ZNF521: variants seen among roughly 807,000 people sequenced by gnomAD.
ZNF521 encodes zinc finger protein 521, also known as LYST-interacting protein 3.
A neutral mutation model predicts 105.5 loss-of-function variants in ZNF521; 14 were observed. The observed-to-expected ratio is 0.13, with a 90% confidence interval of 0.09 to 0.21. The LOEUF is 0.21. Among genes scored for constraint, ZNF521 ranks in the 10% least tolerant of loss-of-function variants. The pLI, the probability that ZNF521 is intolerant of heterozygous loss-of-function variation, is 1.00. For missense variants in ZNF521, 1,233 were observed against 1,629.7 expected, an observed-to-expected ratio of 0.76 and a Z score of 4.19; for synonymous variants, 635 against 606.0, an observed-to-expected ratio of 1.05 and a Z score of -0.70.
Position 25,062,198 on chromosome 18 carries a change from C to T in ZNF521, c.*514G>A, listed in dbSNP as rs1203896353. On this transcript the variant is annotated 3_prime_UTR_variant, in exon 8 of 8. Transcript: ENST00000361524. ...AGGCTTACAAATATATATATACGGGCCTTATCCAGCTGTGGGGTTCTGTTC... is the reference window on the plus strand; with the variant it reads ...AGGCTTACAAATATATATATACGGGTCTTATCCAGCTGTGGGGTTCTGTTC... The T allele has an allele frequency of 4.8e-6, 1 of 207,010 alleles. No homozygotes were observed. The highest frequency in any genetic ancestry group is 2.3e-5 in the African/African-American group (1 of 43,704). The allele number at this position is 207,010 out of a possible 1,614,324, so 12.8% of individuals were successfully genotyped here. A position where few individuals can be genotyped will look rare whatever the true frequency, so the allele number is the denominator to read the frequency against.
rs140364428 is a variant in ZNF521, at chr18:25,199,427, C to A, written c.3574-4183G>T. Reference sequence around the variant, plus strand: ...AGGCAATTGAGAATAATTTAGATATCAATCTGACTATCAGCTGATTATTAG... The same window carrying A: ...AGGCAATTGAGAATAATTTAGATATAAATCTGACTATCAGCTGATTATTAG... On this transcript the variant is annotated intron_variant, in intron 4 of 7. Coordinates refer to ENST00000361524, the MANE Select transcript of ZNF521 (RefSeq NM_015461.3). Among the ~76,000 whole-genome samples the A allele has an allele frequency of 3.8e-3, 571 of 151,894 alleles. 5 individuals carry two copies. The highest frequency in any genetic ancestry group is 0.012 in the African/African-American group (492 of 41,446).
chr18:25,095,252 C>T (rs2033827993), intron 5 of ZNF521, among the ~76,000 whole-genome samples: 1 of 152,048 alleles, frequency 6.6e-6, no homozygotes, highest in African/African-American at 2.4e-5. Context: ...AGGATTTTGC[C>T]CACAAAGCAT....
intron 5 of ZNF521, among the ~76,000 whole-genome samples, chr18:25,128,713 A>G (rs1237661479): frequency 6.6e-6 from 1 of 152,088 alleles, no homozygotes; most frequent in Non-Finnish European, 1.5e-5. Flanking sequence ...TTAATTTCAA[A>G]AAATTTAAAT....
At chr18:25,098,708 A>G (rs931120036) in intron 5 of ZNF521, among the ~76,000 whole-genome samples, 8 of 152,124 alleles carry the variant, frequency 5.3e-5, no homozygotes, top group African/African-American at 1.9e-4. Context: ...TGTTGTTAAC[A>G]CAGTGCCACT....
intron 5 of ZNF521, among the ~76,000 whole-genome samples, chr18:25,139,102 G>T (rs997229298): frequency 9.9e-5 from 15 of 152,240 alleles, no homozygotes; most frequent in African/African-American, 3.6e-4. Context: ...TGGGCACGGT[G>T]GCTCACGCCT....
intron 4 of ZNF521, among the ~76,000 whole-genome samples, chr18:25,217,973 T>C (rs1371829907): frequency 1.3e-5 from 2 of 152,194 alleles, no homozygotes; most frequent in South Asian, 2.1e-4. Context: ...AGAGGTTATT[T>C]GGGGAGAAGA....
intron 5 of ZNF521, among the ~76,000 whole-genome samples, chr18:25,129,671 G>T (rs986629020): frequency 6.6e-6 from 1 of 151,916 alleles, no homozygotes; most frequent in Non-Finnish European, 1.5e-5. Context: ...GTGGCGGGGT[G>T]GGGGGTATGA....
chr18:25,113,761 G>GACGGACACACACACACACACAC (rs35914509), intron 5 of ZNF521, among the ~76,000 whole-genome samples: 2,077 of 101,580 alleles, frequency 0.02, 86 homozygotes, highest in South Asian at 0.047. Context: ...AGGACGGACG[G>GACGGACACACACACACACACAC]ACACACACAC....
chr18:25,327,278 G>T (rs1176764142), intron 2 of ZNF521: 7 of 211,906 alleles, frequency 3.3e-5, no homozygotes, highest in Admixed American at 6.3e-5. Flanking sequence ...ATAATTCAAA[G>T]TAATGCATTC....
intron 3 of ZNF521, among the ~76,000 whole-genome samples, chr18:25,266,493 C>T (rs1455756260): frequency 6.6e-6 from 1 of 152,168 alleles, no homozygotes; most frequent in African/African-American, 2.4e-5. Context: ...CGGTCTGCAG[C>T]TCCCAATGAG....
chr18:25,253,350 G>A (rs1368447109), intron 3 of ZNF521, among the ~76,000 whole-genome samples: 1 of 152,088 alleles, frequency 6.6e-6, no homozygotes, highest in Non-Finnish European at 1.5e-5. Context: ...TATTTGCACT[G>A]CCACATTCCT....
In ZNF521 at chr18:25,132,761, T is replaced by C. The variant is rs192618556; in HGVS notation, c.3659-40680A>G. Among the ~76,000 whole-genome samples the C allele has an allele frequency of 3.2e-3, 485 of 152,310 alleles. 3 individuals carry two copies. The highest frequency in any genetic ancestry group is 0.011 in the African/African-American group (463 of 41,584). ...GGTAATTAACATGAGAATGCCCCCT[T>C]GGGCCGTTCTCCTGTTAGCTAAAAT... is the stretch of plus-strand genomic sequence containing the variant. On this transcript the variant is annotated intron_variant, in intron 5 of 7. Transcript: ENST00000361524.
At chr18:25,175,305 T>C (rs1376015083) in intron 5 of ZNF521, among the ~76,000 whole-genome samples, 1 of 152,152 alleles carries the variant, frequency 6.6e-6, no homozygotes, top group Non-Finnish European at 1.5e-5. Flanking sequence ...AGGGAAGTAA[T>C]AAGAAATCAG....
intron 3 of ZNF521, among the ~76,000 whole-genome samples, chr18:25,296,677 CT>C (rs745354434): frequency 6.6e-6 from 1 of 152,166 alleles, no homozygotes; most frequent in Non-Finnish European, 1.5e-5. Flanking sequence ...AATACCTTCT[CT>C]TCCTCAAGGT....
At chr18:25,295,697 T>C (rs1438558317) in intron 3 of ZNF521, among the ~76,000 whole-genome samples, 1 of 152,222 alleles carries the variant, frequency 6.6e-6, no homozygotes, top group Non-Finnish European at 1.5e-5. Flanking sequence ...ATATGCAGTT[T>C]ATTCTGTGTA....
At chr18:25,338,889 A>T (rs1172454989) in intron 2 of ZNF521, among the ~76,000 whole-genome samples, 1 of 152,234 alleles carries the variant, frequency 6.6e-6, no homozygotes, top group Non-Finnish European at 1.5e-5. Flanking sequence ...AATAGAGAAC[A>T]GTTGTTAAAT....
chr18:25,226,426 A>G lies in ZNF521; in HGVS notation c.1492T>C (p.Cys498Arg). The G allele has an allele frequency of 6.2e-7, 1 of 1,614,186 alleles. No individual in the cohort carries two copies. Among genetic ancestry groups the G allele is most frequent in the African/African-American group, 1.3e-5 (1 of 75,048 alleles). ...GCAGGGTTTGCAAATCCATGAGAAC[A>G]TCGGATGTGTTCCTGAAGAGTGTTG... ...DLNTLQEHIR[C>R]SHGFANPAAK... The change falls in exon 4 of 8, where the codon TGT (cysteine) becomes CGT (arginine). Residue 498 changes from cysteine to arginine, a missense_variant. Physicochemically the swap from Cys to Arg is radical, Grantham distance 180. Around this residue, in one of 6 missense-constraint regions of ZNF521, gnomAD observed 380 missense variants for 478.0 expected, o/e 0.80. Transcript: ENST00000361524. This position sits in a 1 kb window ranked among gnomAD's most constrained non-coding sequence, Gnocchi z 4.1.
At chr18:25,236,568 G>A (rs1050146110) in intron 3 of ZNF521, among the ~76,000 whole-genome samples, 8 of 151,948 alleles carry the variant, frequency 5.3e-5, no homozygotes, top group East Asian at 1.9e-4. Context: ...AGGCATTTCA[G>A]GGATGTTGGA....
Position 25,350,891 on chromosome 18 carries a change from G to C in ZNF521, c.40+16C>G, listed in dbSNP as rs998592654. ...CGCGGATGGGGGAAAGCGGGGAGCA[G>C]GGGGTTCCTCCTTACCTTTGAGGGA... On this transcript the variant is annotated intron_variant, in intron 2 of 7. Transcript: ENST00000361524. 1.9e-6 allele frequency: 3 copies of C among 1,547,834 alleles called. No individual in the cohort carries two copies. The African/African-American group carries it at 4.1e-5, about 21-fold the overall frequency.
Sources: allele counts gnomAD v4.1 joint callset (sites outside exome capture counted in the v4.1 genomes callset), GRCh38; gene constraint gnomAD v4.1.1; regional missense constraint gnomAD v4.1.1; non-coding constraint Gnocchi (gnomAD v3.1); transcripts MANE v1.5; gene names NCBI Gene and HGNC (gene_info 2026-07-23, HGNC 2026-07-21).